The following AOC2 variants were observed in gnomAD, a reference collection of about 807,000 sequenced individuals.
The protein encoded by AOC2 is amine oxidase copper containing 2, also known as amine oxidase [copper-containing] 2.
AOC2 carries 57 observed loss-of-function variants against 53.8 expected under a neutral mutation model. The observed-to-expected ratio is 1.06, with a 90% CI of 0.86 to 1.32. The LOEUF (loss-of-function observed/expected upper bound fraction) is 1.32. Ranked by LOEUF, AOC2 falls within the 40% of genes most tolerant of loss-of-function variation. AOC2 has a pLI of 0.00. For synonymous variants in AOC2, 404 were observed against 399.0 expected (o/e 1.01, Z -0.15); for missense variants, 1,008 against 957.2 (o/e 1.05, Z -0.70).
Position 42,844,852 on chromosome 17 carries a change from G to T in AOC2, c.226G>T (p.Gly76Trp), listed in dbSNP as rs141953692. 3.1e-6 allele frequency: 5 copies of T among 1,611,906 alleles called. No homozygotes were observed. Among genetic ancestry groups the T allele is most frequent in the Middle Eastern group, 1.7e-4 (1 of 6,058 alleles). ...GATGCGCTTTCTGACCCAGCGGCTGGGGCCAGGGCTGGTGGACGCAGCCCA... is the reference window on the plus strand; with the variant it reads ...GATGCGCTTTCTGACCCAGCGGCTGTGGCCAGGGCTGGTGGACGCAGCCCA... ...AVMRFLTQRL[G>W]PGLVDAAQAQ... is the part of the protein sequence containing the mutation. Residue 76 changes from glycine (G) to tryptophan (W), a missense_variant, in exon 1 of 4, where the codon GGG (glycine) becomes TGG (tryptophan). Gly to Trp is a radical substitution (Grantham distance 184). Coordinates refer to ENST00000253799, the MANE Select transcript of AOC2 (RefSeq NM_009590.4).
chr17:42,845,142 T>C lies in AOC2; in HGVS notation c.516T>C (p.Phe172=). ...YHRRPVLRAE[F]TQMWRHLKEV... is the part of the protein sequence containing the mutation. ...GTCGCCCGGTGCTGAGAGCTGAGTT[T>C]ACACAGATGTGGAGGCATCTGAAAG... Residue 172 remains phenylalanine (F), a synonymous_variant, in exon 1 of 4, where the codon TTT becomes TTC. Coordinates refer to ENST00000253799, the MANE Select transcript of AOC2 (RefSeq NM_009590.4). 1 of 1,613,752 alleles carries C rather than the reference T, an allele frequency of 6.2e-7. No homozygotes were observed. The highest frequency in any genetic ancestry group is 8.5e-7 in the Non-Finnish European group (1 of 1,180,020).
chr17:42,848,065 CTTTTTTTTTTTTT>C (rs61450612), intron 1 of AOC2, among the ~76,000 whole-genome samples: 2 of 101,374 alleles, frequency 2.0e-5, no homozygotes, highest in Non-Finnish European at 3.6e-5. Flanking sequence ...CATGCCCGGC[CTTTTTTTTTTTTT>C]TTTTTTTTTT....
chr17:42,848,021 A>G (rs1217889299), intron 1 of AOC2, among the ~76,000 whole-genome samples: 1 of 129,220 alleles, frequency 7.7e-6, no homozygotes, highest in African/African-American at 3.0e-5. Flanking sequence ...CAAGTGATCC[A>G]CTCGCCTCGG....
At chr17:42,846,272 G>T in intron 1 of AOC2, 58 bp downstream of exon 1, 2 of 1,419,608 alleles carry the variant, frequency 1.4e-6, no homozygotes, top group Non-Finnish European at 1.9e-6. Context: ...GGGGTGGAGG[G>T]AAGGGAAGGG....
In AOC2 at chr17:42,849,226, A is replaced by T. The variant is rs1177950318; in HGVS notation, c.1729A>T (p.Ser577Cys). The change falls in exon 2 of 4, where the codon AGC becomes TGC. Residue 577 changes from serine (S) to cysteine (C), a missense_variant. Ser to Cys is a moderately radical substitution (Grantham distance 112). Coordinates refer to ENST00000253799, the MANE Select transcript of AOC2 (RefSeq NM_009590.4). ...GGACCTGACAGCTTTTTCCTTGGGA[A>T]GCCCCCTACCCCGCTACCTCTACCT... ...KEDLTAFSLG[S>C]PLPRYLYLAS... is the part of the protein sequence containing the mutation. 3.7e-6 allele frequency: 6 copies of T among 1,614,166 alleles called. No individual in the cohort carries two copies. The East Asian group carries it at 1.3e-4, about 36-fold the overall frequency.
Position 42,845,530 on chromosome 17 carries a change from C to G in AOC2, c.904C>G (p.Pro302Ala), listed in dbSNP as rs928690294. The G allele has an allele frequency of 2.5e-6, 4 of 1,614,164 alleles. No individual in the cohort carries two copies. Among genetic ancestry groups the G allele is most frequent in the Non-Finnish European group, 3.4e-6 (4 of 1,180,032 alleles). Reference protein sequence around the residue: ...GASSLRSRNSPGPLPPLQFSP... With the variant: ...GASSLRSRNSAGPLPPLQFSP... ...TTCATCCCTGAGGTCTCGGAACTCT[C>G]CAGGTCCTCTTCCCCCTCTTCAGTT... Residue 302 changes from proline to alanine, a missense_variant, in exon 1 of 4, where the codon CCA becomes GCA. Coordinates refer to ENST00000253799, the MANE Select transcript of AOC2 (RefSeq NM_009590.4).
rs779289224 is a variant in AOC2, at chr17:42,845,490, T to C, written c.864T>C (p.Pro288=). 5.6e-6 allele frequency: 9 copies of C among 1,614,132 alleles called. No homozygotes were observed. In the South Asian group the frequency reaches 6.6e-5, roughly 12 times the overall value. The change falls in exon 1 of 4, where the codon CCT becomes CCC. Residue 288 remains proline, a synonymous_variant. Transcript: ENST00000253799. ...TGGAAGTGGTTAGAGTCCCTCTACC[T>C]CCACCAAATGGAGCTTCATCCCTGA... The part of the protein sequence containing the change: ...GRLEVVRVPL[P]PPNGASSLRS...
At position 42,844,984 on chromosome 17, in the gene AOC2, G is replaced by T; in HGVS notation, c.358G>T (p.Ala120Ser). 6.2e-7 allele frequency: 1 copy of T among 1,611,550 alleles called. No homozygotes were observed. The highest frequency in any genetic ancestry group is 8.5e-7 in the Non-Finnish European group (1 of 1,178,328). ...GGGGAGCCCCCCACCTGCCCGGGAG[G>T]CACTGGCCATCGTCCTCTTTGGTGG... ...DRGSPPPARE[A>S]LAIVLFGGQP... Residue 120 changes from alanine to serine, a missense_variant, in exon 1 of 4, where the codon GCA (alanine) becomes TCA (serine). Physicochemically the swap from Ala to Ser is moderately conservative, Grantham distance 99. Transcript: ENST00000253799.
intron 1 of AOC2, among the ~76,000 whole-genome samples, chr17:42,847,060 A>G (rs1463824062): frequency 3.9e-5 from 6 of 152,254 alleles, no homozygotes; most frequent in African/African-American, 1.2e-4. Context: ...GTCTAAAGAC[A>G]TGGCACGTGC....
chr17:42,848,546 C>CATATATATATATATATATATATATAT (rs200422278), intron 1 of AOC2, among the ~76,000 whole-genome samples: 1 of 117,694 alleles, frequency 8.5e-6, no homozygotes, highest in African/African-American at 3.9e-5. Flanking sequence ...TATATATATA[C>CATATATATATATATATATATATATAT]ATATATATAT....
At chr17:42,846,260 G>A in intron 1 of AOC2, 46 bp downstream of exon 1, 1 of 1,490,050 alleles carries the variant, frequency 6.7e-7, no homozygotes, top group Non-Finnish European at 8.9e-7. Context: ...GCGGGGTCAG[G>A]TGGGGTGGAG....
At chr17:42,848,832 T>C (rs1346781992) in intron 1 of AOC2, among the ~76,000 whole-genome samples, 1 of 152,034 alleles carries the variant, frequency 6.6e-6, no homozygotes. Flanking sequence ...ATTGCAGGTG[T>C]GAGCCACCTC....
At chr17:42,846,969 G>A (rs1442747328) in intron 1 of AOC2, among the ~76,000 whole-genome samples, 5 of 152,200 alleles carry the variant, frequency 3.3e-5, no homozygotes, top group East Asian at 3.8e-4. Flanking sequence ...GGAGGGTGGC[G>A]GGAGATGGGA....
Position 42,850,184 on chromosome 17 carries a change from C to T in AOC2, c.2107C>T (p.Pro703Ser). The change falls in exon 4 of 4, where the codon CCC becomes TCC. Residue 703 changes from proline (P) to serine (S), a missense_variant. Coordinates refer to ENST00000253799, the MANE Select transcript of AOC2 (RefSeq NM_009590.4). ...LGNRVGFLLRPYNFFDEDPSI... is the reference protein window; with the variant it reads ...LGNRVGFLLRSYNFFDEDPSI... ...GAACAGAGTTGGCTTCTTGCTCCGA[C>T]CCTATAACTTCTTTGATGAGGACCC... 1 of 1,614,188 alleles carries T rather than the reference C, an allele frequency of 6.2e-7. No homozygotes were observed. Among genetic ancestry groups the T allele is most frequent in the Non-Finnish European group, 8.5e-7 (1 of 1,180,038 alleles).
Position 42,846,145 on chromosome 17 carries a change from G to A in AOC2, c.1519G>A (p.Val507Met). ...GEEGLLFGNR[V>M]GERVLGTVHT... Reference sequence around the variant, plus strand: ...GGAGGGCCTCCTCTTTGGGAACCGTGTGGGGGAAAGAGTGCTGGGAACGGT... The same window carrying A: ...GGAGGGCCTCCTCTTTGGGAACCGTATGGGGGAAAGAGTGCTGGGAACGGT... The change falls in exon 1 of 4, where the codon GTG (valine) becomes ATG (methionine). Residue 507 changes from valine (V) to methionine (M), a missense_variant. Physicochemically the swap from Val to Met is conservative, Grantham distance 21. Coordinates refer to ENST00000253799, the MANE Select transcript of AOC2 (RefSeq NM_009590.4). 1 of 1,562,146 alleles carries A rather than the reference G, an allele frequency of 6.4e-7. No homozygotes were observed. The highest frequency in any genetic ancestry group is 8.7e-7 in the Non-Finnish European group (1 of 1,153,100).
chr17:42,850,034 C>T (rs202093818), intron 3 of AOC2, 48 bp from the exon 4 acceptor site: 2 of 1,585,590 alleles, frequency 1.3e-6, no homozygotes, highest in Admixed American at 3.4e-5. Flanking sequence ...AAGGGTGGTT[C>T]TTTGGGTCAC....
At chr17:42,849,866 C>T in intron 3 of AOC2, 136 bp downstream of exon 3, 1 of 1,345,122 alleles carries the variant, frequency 7.4e-7, no homozygotes, top group Non-Finnish European at 1.0e-6. Flanking sequence ...TTCTGATGAC[C>T]AACACAGGTC....
Position 42,850,393 on chromosome 17 carries a change from C to T in AOC2, c.*45C>T, listed in dbSNP as rs748445445. 3.3e-6 allele frequency: 5 copies of T among 1,525,486 alleles called. No individual in the cohort carries two copies. Among genetic ancestry groups the T allele is most frequent in the Non-Finnish European group, 4.4e-6 (5 of 1,135,676 alleles). The allele number at this position is 1,525,486 out of a possible 1,614,324, so 94.5% of individuals were successfully genotyped here. On this transcript the variant is annotated 3_prime_UTR_variant, in exon 4 of 4. Coordinates refer to ENST00000253799, the MANE Select transcript of AOC2 (RefSeq NM_009590.4). ...GGCGTGGTTAGGCACATGTACTTTT[C>T]CCTGTTTCTACTTTCTATTCTCCGT...
At position 42,850,315 on chromosome 17, in the gene AOC2, G is replaced by A. The variant is rs762012675; in HGVS notation, c.2238G>A (p.Pro746=). The stretch of plus-strand genomic sequence containing the variant: ...TCCCCGACCTGGCAGCCTGTGTCCC[G>A]GACTTACCCCCTTTCTCTTACCACG... ...ACLPDLAACV[P]DLPPFSYHGF Residue 746 remains proline (P), a synonymous_variant, in exon 4 of 4, where the codon CCG becomes CCA. Transcript: ENST00000253799. 33 of 1,608,672 alleles carry A rather than the reference G, an allele frequency of 2.1e-5. No individual in the cohort carries two copies. Among genetic ancestry groups the A allele is most frequent in the African/African-American group, 5.3e-5 (4 of 74,786 alleles).
Sources: allele counts gnomAD v4.1 joint callset (sites outside exome capture counted in the v4.1 genomes callset), GRCh38; gene constraint gnomAD v4.1.1; transcripts MANE v1.5; gene names NCBI Gene and HGNC (gene_info 2026-07-23, HGNC 2026-07-21).